SSH1: variants seen among roughly 807,000 people sequenced by gnomAD.
The protein encoded by SSH1 is slingshot protein phosphatase 1, also known as protein phosphatase Slingshot homolog 1.
SSH1 carries 43 observed loss-of-function variants against 79.7 expected under a neutral mutation model. The observed-to-expected ratio is 0.54, with a 90% CI of 0.42 to 0.70. The LOEUF is 0.70. Among genes scored for constraint, SSH1 ranks in the 30% least tolerant of loss-of-function variants. The pLI is 0.00. For missense variants in SSH1, 1,206 were observed against 1,358.8 expected (o/e 0.89, Z 1.77); for synonymous variants, 599 against 538.3 (o/e 1.11, Z -1.56).
At chr12:108,852,965 C>T (rs1330953369) in intron 1 of SSH1, 22 of 985,312 alleles carry the variant, frequency 2.2e-5, no homozygotes, top group Admixed American at 6.2e-5. Flanking sequence ...TTACCCAGCA[C>T]GGTCTTTTAG....
chr12:108,792,955 A>C, intron 13 of SSH1, 126 bp from the exon 14 acceptor site: 2 of 1,101,494 alleles, frequency 1.8e-6, no homozygotes. Flanking sequence ...TCCATGGCTC[A>C]TTCAGGTAAA....
intron 2 of SSH1, among the ~76,000 whole-genome samples, chr12:108,840,507 T>C (rs2038750514): frequency 6.6e-6 from 1 of 151,186 alleles, no homozygotes; most frequent in Non-Finnish European, 1.5e-5. Context: ...CACTCTAGCC[T>C]GGGTGACGGA....
intron 4 of SSH1, 78 bp from the exon 5 acceptor site, chr12:108,817,237 C>T (rs1251046425): frequency 1.3e-6 from 2 of 1,591,508 alleles, no homozygotes; most frequent in East Asian, 4.5e-5. Context: ...GCAAGATCAA[C>T]ACTTTCAGTG....
chr12:108,804,916 G>T, intron 10 of SSH1, 140 bp downstream of exon 10: 1 of 994,792 alleles, frequency 1.0e-6, no homozygotes. Context: ...AAAGAGGGGA[G>T]CTCCTGCCAG....
Position 108,785,531 on chromosome 12 carries a change from A to G in SSH1, c.*2457T>C, listed in dbSNP as rs2036248725. 1 of 152,190 alleles carries G rather than the reference A, an allele frequency of 6.6e-6. No individual in the cohort carries two copies. Among genetic ancestry groups the G allele is most frequent in the African/African-American group, 2.4e-5 (1 of 41,442 alleles). The allele number at this position is 152,190 out of a possible 1,614,324, so 9.4% of individuals were successfully genotyped here. A position where few individuals can be genotyped will look rare whatever the true frequency, so the allele number is the denominator to read the frequency against. On this transcript the variant is annotated 3_prime_UTR_variant, in exon 15 of 15. Coordinates refer to ENST00000326495, the MANE Select transcript of SSH1 (RefSeq NM_018984.4). Reference sequence around the variant, plus strand: ...CTCCAGGCCAGGCTATTAAGCATCAAGTCCAGAATGCTTCACTCTGCTCTG... The same window carrying G: ...CTCCAGGCCAGGCTATTAAGCATCAGGTCCAGAATGCTTCACTCTGCTCTG...
intron 4 of SSH1, 60 bp downstream of exon 4, chr12:108,818,187 GAC>G: frequency 2.2e-6 from 3 of 1,340,138 alleles, no homozygotes; most frequent in Non-Finnish European, 3.2e-6. Context: ...AACAGAGCAA[GAC>G]CCTCATCTCA....
chr12:108,802,172 A>C (rs1332557766), intron 11 of SSH1, 150 bp downstream of exon 11: 1 of 691,556 alleles, frequency 1.4e-6, no homozygotes, highest in African/African-American at 1.8e-5. Flanking sequence ...ACATCTGTTT[A>C]GCTATGCACA....
At chr12:108,821,161 C>T (rs1245234085) in intron 3 of SSH1, among the ~76,000 whole-genome samples, 3 of 152,014 alleles carry the variant, frequency 2.0e-5, no homozygotes, top group African/African-American at 7.2e-5. Context: ...GGGGAGATGG[C>T]TTGAGGCCAG....
intron 13 of SSH1, among the ~76,000 whole-genome samples, chr12:108,794,194 C>A (rs540621762): frequency 7.0e-4 from 106 of 152,360 alleles, no homozygotes; most frequent in African/African-American, 2.5e-3. Flanking sequence ...AGACTGATAT[C>A]TCCCAGGGAG....
chr12:108,826,035 G>A (rs932289994), intron 2 of SSH1: 4 of 428,146 alleles, frequency 9.3e-6, no homozygotes, highest in East Asian at 1.4e-4. Flanking sequence ...GAAGCAGCTG[G>A]GAAAATCTTT....
chr12:108,821,032 A>C (rs2038098211), intron 3 of SSH1, among the ~76,000 whole-genome samples: 1 of 152,232 alleles, frequency 6.6e-6, no homozygotes, highest in South Asian at 2.1e-4. Flanking sequence ...GTTACAATTA[A>C]AACATGAACA....
rs2036133018 is a variant in SSH1, at chr12:108,780,183, AGCC to A, written c.*7802_*7804del. On this transcript the variant is annotated 3_prime_UTR_variant, in exon 15 of 15. Transcript: ENST00000326495. ...ATAAAGTGAATCCCCCTAAGTTCCA[AGCC>A]GTCCTCTGTGCTGCCTTTGGAGCCT... 6.6e-6 allele frequency: 1 copy of A among 152,168 alleles called. No homozygotes were observed. Among genetic ancestry groups the A allele is most frequent in the Non-Finnish European group, 1.5e-5 (1 of 68,048 alleles). 9.4% of individuals were successfully genotyped at this position (152,168 alleles called of 1,614,324 possible).
In SSH1 at chr12:108,790,107, A is replaced by AG. The variant is rs143051533; in HGVS notation, c.1894-864dup. Among the ~76,000 whole-genome samples, 678 of 150,302 alleles carry AG rather than the reference A, an allele frequency of 4.5e-3. 6 individuals are homozygous for AG. Among genetic ancestry groups the AG allele is most frequent in the Non-Finnish European group, 7.3e-3 (492 of 67,712 alleles). On this transcript the variant is annotated intron_variant, in intron 14 of 14. Transcript: ENST00000326495. ...CAGCCTGCCTGTAGACCACAGCCAG[A>AG]GGGGGCTCATCACCCACCTGCTTAA... is the stretch of plus-strand genomic sequence containing the variant.
rs755690126 is a variant in SSH1, at chr12:108,807,864, G to A, written c.537-37C>T. 3.1e-6 allele frequency: 5 copies of A among 1,601,954 alleles called. No individual in the cohort carries two copies. Among genetic ancestry groups the A allele is most frequent in the Non-Finnish European group, 4.3e-6 (5 of 1,170,606 alleles). On this transcript the variant is annotated intron_variant, in intron 7 of 14. Coordinates refer to ENST00000326495, the MANE Select transcript of SSH1 (RefSeq NM_018984.4). The surrounding 1 kb of genome is among the most constrained non-coding windows in gnomAD (Gnocchi z 5.2). ...AGAAGACAGGGTCAGGCCTGGGAAG[G>A]CACAAGAGATGCAGGGTTTTCTCCT... is the stretch of plus-strand genomic sequence containing the variant.
chr12:108,844,184 G>A (rs149623328), intron 2 of SSH1, among the ~76,000 whole-genome samples: 101 of 152,016 alleles, frequency 6.6e-4, no homozygotes, highest in African/African-American at 2.3e-3. Flanking sequence ...AGGCCTGCCC[G>A]AGATCATATA....
intron 12 of SSH1, among the ~76,000 whole-genome samples, chr12:108,800,422 TA>T (rs1027031372): frequency 6.6e-6 from 1 of 152,166 alleles, no homozygotes; most frequent in African/African-American, 2.4e-5. Flanking sequence ...AGTGACTTCC[TA>T]GGGGTGGGGC....
intron 1 of SSH1, among the ~76,000 whole-genome samples, chr12:108,854,467 A>ACATAAT (rs2039104336): frequency 6.6e-6 from 1 of 152,236 alleles, no homozygotes; most frequent in Non-Finnish European, 1.5e-5. Flanking sequence ...CAGGAAAATG[A>ACATAAT]CATAAGTGAC....
chr12:108,808,250 T>C (rs2037389014), intron 7 of SSH1, among the ~76,000 whole-genome samples: 1 of 152,176 alleles, frequency 6.6e-6, no homozygotes, highest in East Asian at 1.9e-4. Flanking sequence ...GAAGTGCAGT[T>C]TGTAAAGGGC....
chr12:108,788,712 T>C lies in SSH1; in HGVS notation c.2426A>G (p.His809Arg). 1 of 1,614,244 alleles carries C rather than the reference T, an allele frequency of 6.2e-7. No individual in the cohort carries two copies. Among genetic ancestry groups the C allele is most frequent in the South Asian group, 1.1e-5 (1 of 91,090 alleles). ...KPTTNSYLMQ[H>R]QESIIQLQKA... ...CTGCAGCTGAATGATGGACTCCTGG[T>C]GCTGCATCAGGTAGCTGTTGGTTGT... Residue 809 changes from histidine (H) to arginine (R), a missense_variant, in exon 15 of 15, where the codon CAC becomes CGC. Around this residue, in one of 5 missense-constraint regions of SSH1, gnomAD observed 709 missense variants for 730.6 expected, o/e 0.97. Transcript: ENST00000326495.
Sources: gnomAD v4.1 joint callset for allele counts (sites outside exome capture counted in the v4.1 genomes callset) on GRCh38, gnomAD v4.1.1 for gene constraint, gnomAD v4.1.1 regional missense constraint, Gnocchi (gnomAD v3.1) non-coding constraint, MANE v1.5 for transcripts, NCBI Gene and HGNC (gene_info 2026-07-23, HGNC 2026-07-21) for gene names.